SYNE2: variants seen among roughly 807,000 people sequenced by gnomAD.
SYNE2 encodes nesprin-2.
A neutral mutation model predicts 856.3 loss-of-function variants in SYNE2; 431 were observed. That is an observed-to-expected ratio of 0.50 (90% confidence interval 0.47 to 0.55). SYNE2 has a LOEUF of 0.55. Among genes scored for constraint, SYNE2 ranks in the 20% least tolerant of loss-of-function variants. SYNE2 has a pLI of 0.00. For synonymous variants in SYNE2, 2,923 were observed against 2,872.3 expected (o/e 1.02, Z -0.56); for missense variants, 8,129 against 8,023.2 (o/e 1.01, Z -0.50).
chr14:64,165,987 CTGT>C (rs1325007196), intron 90 of SYNE2, among the ~76,000 whole-genome samples: 2 of 152,068 alleles, frequency 1.3e-5, no homozygotes, highest in Non-Finnish European at 2.9e-5. Flanking sequence ...TAGAAATTGG[CTGT>C]TGTGATTAAT....
At chr14:64,169,933 C>G (rs929240178) in intron 93 of SYNE2, among the ~76,000 whole-genome samples, 2 of 152,146 alleles carry the variant, frequency 1.3e-5, no homozygotes, top group African/African-American at 2.4e-5. Flanking sequence ...GTTTTCCTTT[C>G]CACGTTTGGC....
chr14:64,225,424 G>A lies in SYNE2; in HGVS notation c.20622G>A (p.Leu6874=), dbSNP rs1175824132. 1 of 1,613,980 alleles carries A rather than the reference G, an allele frequency of 6.2e-7. No individual in the cohort carries two copies. Among genetic ancestry groups the A allele is most frequent in the African/African-American group, 1.3e-5 (1 of 74,898 alleles). The change falls in exon 116 of 116, where the codon CTG becomes CTA. Residue 6874 remains leucine, a synonymous_variant. Coordinates refer to ENST00000555002, the MANE Select transcript of SYNE2 (RefSeq NM_182914.3). ...TGCTGCTGCTGCTCCTGGCCTGCCT[G>A]CTGCCCTCCTCCGAAGAAGACTACA... ...LLLLLLLLAC[L]LPSSEEDYSC... is the part of the protein sequence containing the mutation.
In SYNE2 at chr14:64,019,983, A is replaced by T. The variant is rs1222474457; in HGVS notation, c.5050-9A>T. On this transcript the variant is annotated splice_polypyrimidine_tract_variant and intron_variant, in intron 34 of 115. Coordinates refer to ENST00000555002, the MANE Select transcript of SYNE2 (RefSeq NM_182914.3). ...AAAAGACACTATCCTTTAAAATTAC[A>T]TGTTTTAGGAAGAATTACAAGTCCA... The T allele has an allele frequency of 6.4e-7, 1 of 1,555,020 alleles. No homozygotes were observed. Among genetic ancestry groups the T allele is most frequent in the East Asian group, 2.2e-5 (1 of 44,606 alleles).
At chr14:63,922,956 A>C (rs74738494) in intron 2 of SYNE2, among the ~76,000 whole-genome samples, 2,211 of 152,342 alleles carry the variant, frequency 0.015, 23 homozygotes, top group Middle Eastern at 0.02. Context: ...TGCACTCAGA[A>C]GTCAGAGGTG....
intron 27 of SYNE2, 63 bp from the exon 28 acceptor site, chr14:64,000,499 G>C: frequency 6.9e-7 from 1 of 1,447,030 alleles, no homozygotes; most frequent in Non-Finnish European, 9.7e-7. Context: ...CATGTTTTAA[G>C]AACAGAATAA....
chr14:63,946,025 A>G (rs1226327423), intron 6 of SYNE2, among the ~76,000 whole-genome samples: 4 of 152,238 alleles, frequency 2.6e-5, no homozygotes, highest in Non-Finnish European at 5.9e-5. Context: ...GTTCCAATTT[A>G]TACTCACCAG....
At position 63,990,087 on chromosome 14, in the gene SYNE2, C is replaced by T. The variant is rs373543595; in HGVS notation, c.2314-324C>T. On this transcript the variant is annotated intron_variant, in intron 19 of 115. Transcript: ENST00000555002. Reference sequence around the variant, plus strand: ...CCAGTAACATTTATTGAATTCTCCTCTCCACTACTTTGACATAGAACAAGA... The same window carrying T: ...CCAGTAACATTTATTGAATTCTCCTTTCCACTACTTTGACATAGAACAAGA... Among the ~76,000 whole-genome samples, 24 of 152,286 alleles carry T rather than the reference C, an allele frequency of 1.6e-4. No homozygotes were observed. In the South Asian group the frequency reaches 4.8e-3, roughly 30 times the overall value.
chr14:64,119,093 G>A (rs2097877877), intron 66 of SYNE2, among the ~76,000 whole-genome samples: 1 of 152,146 alleles, frequency 6.6e-6, no homozygotes, highest in African/African-American at 2.4e-5. Context: ...GTAGGACTGG[G>A]ATCTGAAACC....
At chr14:63,974,884 GTGTGTGTGTATA>G (rs2096525554) in intron 11 of SYNE2, among the ~76,000 whole-genome samples, 1 of 27,292 alleles carries the variant, frequency 3.7e-5, no homozygotes, top group African/African-American at 1.3e-4. Flanking sequence ...GTGTGTGTGT[GTGTGTGTGTATA>G]TATATATATA....
In SYNE2 at chr14:64,025,346, G is replaced by C; in HGVS notation, c.6177G>C (p.Glu2059Asp). 6.2e-7 allele frequency: 1 copy of C among 1,614,030 alleles called. No homozygotes were observed. ...LAHDVIHWIK[E>D]IKESLMVLNS... ...ATGATGTAATTCATTGGATAAAAGA[G>C]ATTAAAGAGTCCCTTATGGTTTTGA... The change falls in exon 41 of 116, where the codon GAG (glutamate) becomes GAC (aspartate). Residue 2059 changes from glutamate (E) to aspartate (D), a missense_variant. Glu to Asp is a conservative substitution (Grantham distance 45, BLOSUM62 2). Around this residue, in one of 3 missense-constraint regions of SYNE2, gnomAD observed 2,422 missense variants for 2,357.4 expected, o/e 1.03. Transcript: ENST00000555002.
chr14:64,048,027 AAAC>A lies in SYNE2; in HGVS notation c.7253_7255del (p.Gln2418del). The A allele has an allele frequency of 1.2e-6, 2 of 1,613,876 alleles. No individual in the cohort carries two copies. The highest frequency in any genetic ancestry group is 1.7e-6 in the Non-Finnish European group (2 of 1,179,866). ...TTCAGCTGTGGAAATGGCTATGTCA[AAAC>A]AACTTTCTCTTAATGCTCAAGAAAG... On this transcript the variant is annotated inframe_deletion, in exon 46 of 116. Transcript: ENST00000555002.
intron 66 of SYNE2, among the ~76,000 whole-genome samples, chr14:64,114,858 C>T (rs1235882977): frequency 6.6e-6 from 1 of 152,002 alleles, no homozygotes; most frequent in Non-Finnish European, 1.5e-5. Context: ...TGGGCTCAAG[C>T]GATCCACCCA....
At chr14:63,889,533 T>C (rs1014720785) in intron 1 of SYNE2, among the ~76,000 whole-genome samples, 6 of 152,174 alleles carry the variant, frequency 3.9e-5, no homozygotes, top group African/African-American at 1.4e-4. Flanking sequence ...TGGAGTGCAG[T>C]GGCACAATCG....
intron 78 of SYNE2, among the ~76,000 whole-genome samples, chr14:64,136,340 A>T (rs1274083188): frequency 6.7e-6 from 1 of 149,080 alleles, no homozygotes; most frequent in African/African-American, 2.5e-5. Flanking sequence ...GACTTTTCAG[A>T]GATGTTTTAA....
chr14:64,031,414 G>A, intron 45 of SYNE2, 57 bp downstream of exon 45: 1 of 1,517,296 alleles, frequency 6.6e-7, no homozygotes, highest in Non-Finnish European at 9.1e-7. Flanking sequence ...AGAGGTATTT[G>A]GCTCTGAAAA....
At chr14:63,847,934 T>C (rs1379248225) in intron 1 of SYNE2, among the ~76,000 whole-genome samples, 5 of 152,072 alleles carry the variant, frequency 3.3e-5, no homozygotes, top group Non-Finnish European at 4.4e-5. Context: ...TCGCCCAGGC[T>C]GGAGTGCAGT....
At chr14:64,061,156 C>T (rs188257664) in intron 49 of SYNE2, among the ~76,000 whole-genome samples, 15 of 152,272 alleles carry the variant, frequency 9.9e-5, no homozygotes, top group African/African-American at 2.4e-4. Flanking sequence ...GTGTCAAATT[C>T]GGTGTTCCTG....
At chr14:64,201,693 G>T (rs188925670) in intron 99 of SYNE2, among the ~76,000 whole-genome samples, 2 of 152,144 alleles carry the variant, frequency 1.3e-5, no homozygotes, top group African/African-American at 2.4e-5. Flanking sequence ...GAGGTTGTTC[G>T]GTCAAGTAAG....
At chr14:63,942,804 T>C (rs769767728) in intron 6 of SYNE2, among the ~76,000 whole-genome samples, 1 of 152,132 alleles carries the variant, frequency 6.6e-6, no homozygotes, top group Admixed American at 6.5e-5. Context: ...CTAATTTTTG[T>C]ATATTTTGTA....
Sources: allele counts gnomAD v4.1 joint callset (sites outside exome capture counted in the v4.1 genomes callset), GRCh38; gene constraint gnomAD v4.1.1; regional missense constraint gnomAD v4.1.1; transcripts MANE v1.5; gene names NCBI Gene and HGNC (gene_info 2026-07-23, HGNC 2026-07-21).